Variants in FAM174B observed in about 807,000 individuals in gnomAD.
FAM174B encodes the protein membrane protein FAM174B.
FAM174B carries 12 observed loss-of-function variants against 10.9 expected under a neutral mutation model. The ratio of observed to expected loss-of-function variants is 1.10; its 90% CI spans 0.71 to 1.79. The LOEUF (loss-of-function observed/expected upper bound fraction) is 1.79, where lower values mean the gene tolerates loss of function less well. FAM174B is among the 40% of genes most tolerant of loss of function. The pLI, the probability that FAM174B is intolerant of heterozygous loss-of-function variation, is 0.00. For synonymous variants in FAM174B, 132 were observed against 115.8 expected (o/e 1.14, Z -0.90); for missense variants, 266 against 233.3 (o/e 1.14, Z -0.91).
chr15:92,651,148 A>G (rs2050963810), intron 1 of FAM174B, among the ~76,000 whole-genome samples: 1 of 152,232 alleles, frequency 6.6e-6, no homozygotes, highest in Non-Finnish European at 1.5e-5. Context: ...AGCATTAGAA[A>G]GTAAGATAAT....
At chr15:92,626,174 C>T (rs954343552) in intron 2 of FAM174B, among the ~76,000 whole-genome samples, 3 of 116,760 alleles carry the variant, frequency 2.6e-5, no homozygotes, top group Non-Finnish European at 5.1e-5. Context: ...TCTTGGCTCA[C>T]TGCAATCTCT....
At chr15:92,631,512 T>A (rs1343764224) in intron 1 of FAM174B, among the ~76,000 whole-genome samples, 2 of 116,674 alleles carry the variant, frequency 1.7e-5, no homozygotes, top group African/African-American at 6.7e-5. Flanking sequence ...TTTTTTTTTT[T>A]AAGATGGAGT....
At position 92,618,908 on chromosome 15, in the gene FAM174B, G is replaced by C. The variant is rs901779570; in HGVS notation, c.*548C>G. On this transcript the variant is annotated 3_prime_UTR_variant, in exon 3 of 3. Transcript: ENST00000327355. ...GTCCAGGTCTGGAAGGGGCTGACCA[G>C]CTCTAAGCACATCCACCTTGAACTC... The C allele has an allele frequency of 4.7e-5, 22 of 468,428 alleles. No homozygotes were observed. The Admixed American group carries it at 6.9e-4, about 15-fold the overall frequency. The allele number at this position is 468,428 out of a possible 1,614,324, so 29.0% of individuals were successfully genotyped here.
At chr15:92,626,263 TA>T (rs1669016538) in intron 2 of FAM174B, among the ~76,000 whole-genome samples, 1 of 152,060 alleles carries the variant, frequency 6.6e-6, no homozygotes, top group Non-Finnish European at 1.5e-5. Flanking sequence ...CGTGCCCGGC[TA>T]ATTTTTTGTA....
chr15:92,619,616 A>G, intron 2 of FAM174B, 157 bp from the exon 3 acceptor site: 2 of 783,302 alleles, frequency 2.6e-6, no homozygotes, highest in South Asian at 1.9e-5. Flanking sequence ...GGAAGGCGCA[A>G]TCCACTCTTC....
At chr15:92,650,118 T>A (rs1567050728) in intron 1 of FAM174B, among the ~76,000 whole-genome samples, 1 of 152,200 alleles carries the variant, frequency 6.6e-6, no homozygotes, top group African/African-American at 2.4e-5. Context: ...AATGGTAACT[T>A]TCCCTAAATG....
chr15:92,643,442 A>T (rs1485491296), intron 1 of FAM174B, among the ~76,000 whole-genome samples: 1 of 151,982 alleles, frequency 6.6e-6, no homozygotes, highest in Non-Finnish European at 1.5e-5. Context: ...AGATTTGACA[A>T]GAAATTGACA....
At chr15:92,633,861 C>T (rs1307837611) in intron 1 of FAM174B, among the ~76,000 whole-genome samples, 1 of 152,182 alleles carries the variant, frequency 6.6e-6, no homozygotes, top group Non-Finnish European at 1.5e-5. Context: ...TGACTTATAA[C>T]CCCAGACCAA....
chr15:92,650,377 C>CG (rs2050958143), intron 1 of FAM174B, among the ~76,000 whole-genome samples: 1 of 152,174 alleles, frequency 6.6e-6, no homozygotes, highest in African/African-American at 2.4e-5. Flanking sequence ...CCCGATCCCT[C>CG]GGGAAGCACC....
chr15:92,643,102 T>C (rs1333906783), intron 1 of FAM174B, among the ~76,000 whole-genome samples: 2 of 151,344 alleles, frequency 1.3e-5, no homozygotes, highest in East Asian at 3.9e-4. Context: ...ACTCTGTAAA[T>C]ATACTAAAAA....
intron 1 of FAM174B, among the ~76,000 whole-genome samples, chr15:92,632,798 C>T (rs2050828118): frequency 6.6e-6 from 1 of 152,066 alleles, no homozygotes; most frequent in African/African-American, 2.4e-5. Context: ...CTGGGGATGA[C>T]AGGCGTGGGA....
rs1406863559 is a variant in FAM174B, at chr15:92,630,803, A to T, written c.345-458T>A. 1.1e-4 allele frequency among the ~76,000 whole-genome samples: 5 copies of T among 47,028 alleles called. 1 individual carries two copies. Among genetic ancestry groups the T allele is most frequent in the Non-Finnish European group, 3.0e-4 (5 of 16,474 alleles). 30.9% of individuals were successfully genotyped at this position (47,028 alleles called of 152,430 possible). On this transcript the variant is annotated intron_variant, in intron 1 of 2. Transcript: ENST00000327355. ...TTTTATATATTACATATTACATATTATATATATTTTATATATTACATATTA... is the reference window on the plus strand; with the variant it reads ...TTTTATATATTACATATTACATATTTTATATATTTTATATATTACATATTA...
chr15:92,646,510 T>C (rs1256471384), intron 1 of FAM174B, among the ~76,000 whole-genome samples: 1 of 152,180 alleles, frequency 6.6e-6, no homozygotes, highest in East Asian at 1.9e-4. Flanking sequence ...AGCAAGGCTA[T>C]TGACAGCAAT....
intron 2 of FAM174B, among the ~76,000 whole-genome samples, chr15:92,625,557 G>A (rs904352277): frequency 2.0e-5 from 3 of 152,176 alleles, no homozygotes; most frequent in Non-Finnish European, 4.4e-5. Flanking sequence ...AACATGCAAC[G>A]TCTGAAACTC....
At chr15:92,641,465 A>G (rs1487554399) in intron 1 of FAM174B, among the ~76,000 whole-genome samples, 3 of 152,254 alleles carry the variant, frequency 2.0e-5, no homozygotes, top group African/African-American at 7.2e-5. Flanking sequence ...TATAATGAAC[A>G]CTAAGCACCT....
intron 1 of FAM174B, 41 bp downstream of exon 1, chr15:92,655,275 C>T: frequency 6.7e-7 from 1 of 1,496,222 alleles, no homozygotes; most frequent in East Asian, 2.7e-5. Context: ...CGATGCCGCC[C>T]TGTCGGCCGG....
chr15:92,623,651 G>A (rs765186098), intron 2 of FAM174B, among the ~76,000 whole-genome samples: 1 of 152,202 alleles, frequency 6.6e-6, no homozygotes, highest in Non-Finnish European at 1.5e-5. Context: ...GTAGCGTCTG[G>A]CACCCTGGCA....
intron 1 of FAM174B, chr15:92,653,081 C>CA (rs1196165181): frequency 6.6e-6 from 1 of 152,162 alleles, no homozygotes; most frequent in African/African-American, 2.4e-5. Context: ...TAAAATATTA[C>CA]AAAGTCCTCT....
At chr15:92,623,241 C>A (rs1252523256) in intron 2 of FAM174B, among the ~76,000 whole-genome samples, 2 of 152,106 alleles carry the variant, frequency 1.3e-5, no homozygotes, top group Non-Finnish European at 2.9e-5. Flanking sequence ...CAGGCTTACC[C>A]AGCCTGTACT....
Sources: gnomAD v4.1 joint callset for allele counts (sites outside exome capture counted in the v4.1 genomes callset) on GRCh38, gnomAD v4.1.1 for gene constraint, MANE v1.5 for transcripts, NCBI Gene and HGNC (gene_info 2026-07-23, HGNC 2026-07-21) for gene names.